IQCH: variants seen among roughly 807,000 people sequenced by gnomAD.
The protein encoded by IQCH is IQ motif containing H.
Under a neutral mutation model 117.0 loss-of-function variants are expected in IQCH, and 98 were observed. The observed-to-expected ratio is 0.84, with a 90% confidence interval of 0.71 to 0.99. The LOEUF (loss-of-function observed/expected upper bound fraction) is 0.99, where lower values mean the gene tolerates loss of function less well. IQCH is among the 50% of genes least tolerant of loss of function. IQCH has a pLI of 0.00. For missense variants in IQCH, 1,102 were observed against 1,243.8 expected, an observed-to-expected ratio of 0.89 and a Z score of 1.72; for synonymous variants, 412 against 448.2, an observed-to-expected ratio of 0.92 and a Z score of 1.02.
At chr15:67,372,907 AG>A (rs1367961604) in intron 9 of IQCH, among the ~76,000 whole-genome samples, 1 of 151,816 alleles carries the variant, frequency 6.6e-6, no homozygotes, top group Non-Finnish European at 1.5e-5. Context: ...ATTTTTCTAT[AG>A]AAAAAAAAAA....
chr15:67,281,169 T>TCTTCCCACTAGATTATAAGC (rs2140477986), intron 4 of IQCH, among the ~76,000 whole-genome samples: 1 of 152,248 alleles, frequency 6.6e-6, no homozygotes, highest in South Asian at 2.1e-4. Flanking sequence ...TAAATGTCTG[T>TCTTCCCACTAGATTATAAGC]CTTCCCACTA....
At position 67,386,914 on chromosome 15, in the gene IQCH, G is replaced by A. The variant is rs931097953; in HGVS notation, c.1456+1895G>A. Among the ~76,000 whole-genome samples, 1 of 152,142 alleles carries A rather than the reference G, an allele frequency of 6.6e-6. No homozygotes were observed. The highest frequency in any genetic ancestry group is 6.5e-5 in the Admixed American group (1 of 15,284). On this transcript the variant is annotated intron_variant, in intron 11 of 20. Transcript: ENST00000335894. The surrounding 1 kb of genome is among the most constrained non-coding windows in gnomAD (Gnocchi z 5.0). ...TCCTTTGCCAGAAATTAACAGGAAA[G>A]GTGAAATTGGCAACATGATTCCTTT...
At chr15:67,323,859 TC>T (rs1968263009) in intron 4 of IQCH, among the ~76,000 whole-genome samples, 1 of 152,058 alleles carries the variant, frequency 6.6e-6, no homozygotes, top group Non-Finnish European at 1.5e-5. Flanking sequence ...AAAGATATTA[TC>T]TTTTATATTT....
chr15:67,373,343 A>G, intron 9 of IQCH, 24 bp from the exon 10 acceptor site: 1 of 1,574,648 alleles, frequency 6.4e-7, no homozygotes, highest in Non-Finnish European at 8.7e-7. Flanking sequence ...CCTGTCACTG[A>G]TCAATGCTCT....
rs1335970289 is a variant in IQCH, at chr15:67,342,061, G to A, written c.509-2002G>A. On this transcript the variant is annotated intron_variant, in intron 5 of 20. Coordinates refer to ENST00000335894, the MANE Select transcript of IQCH (RefSeq NM_001031715.3). The surrounding 1 kb of genome is among the most constrained non-coding windows in gnomAD (Gnocchi z 4.7). ...CAAGGCAGGAAGATTGCTTGAAACC[G>A]GGAGTTCAAGACTAGCCTGGACAAT... Among the ~76,000 whole-genome samples the A allele has an allele frequency of 2.6e-5, 4 of 151,940 alleles. No homozygotes were observed. The highest frequency in any genetic ancestry group is 2.1e-4 in the South Asian group (1 of 4,800).
intron 4 of IQCH, among the ~76,000 whole-genome samples, chr15:67,333,869 C>A (rs192652525): frequency 1.3e-5 from 2 of 152,136 alleles, no homozygotes; most frequent in East Asian, 1.9e-4. Flanking sequence ...CTAGCCTGGG[C>A]AACATAGCGA....
chr15:67,398,537 T>C (rs1971540017), intron 13 of IQCH, among the ~76,000 whole-genome samples: 1 of 152,108 alleles, frequency 6.6e-6, no homozygotes, highest in African/African-American at 2.4e-5. Flanking sequence ...TTGTATGAGG[T>C]TTCCAGAGAA....
At chr15:67,448,180 T>TGTGC (rs397689617) in intron 16 of IQCH, among the ~76,000 whole-genome samples, 10 of 150,860 alleles carry the variant, frequency 6.6e-5, no homozygotes, top group African/African-American at 2.4e-4. Context: ...TGTGTGTGTG[T>TGTGC]AACAGCTTTA....
chr15:67,406,227 TA>T lies in IQCH; in HGVS notation c.2097+5926del, dbSNP rs1971897490. On this transcript the variant is annotated intron_variant, in intron 14 of 20. Coordinates refer to ENST00000335894, the MANE Select transcript of IQCH (RefSeq NM_001031715.3). The surrounding 1 kb of genome is among the most constrained non-coding windows in gnomAD (Gnocchi z 4.5). ...TAGCATTAAAAATATGGTAAGCATT[TA>T]AAACCCTTGTTTTTAGCCCAGTGCA... 1 of 152,222 alleles carries T rather than the reference TA, an allele frequency of 6.6e-6. No homozygotes were observed. 9.4% of individuals were successfully genotyped at this position (152,222 alleles called of 1,614,324 possible). A position where few individuals can be genotyped will look rare whatever the true frequency, so the allele number is the denominator to read the frequency against.
chr15:67,394,966 G>C (rs905048749), intron 12 of IQCH, among the ~76,000 whole-genome samples: 3 of 152,168 alleles, frequency 2.0e-5, no homozygotes, highest in Non-Finnish European at 2.9e-5. Flanking sequence ...CATGCCAGAA[G>C]TGTTGCAGAG....
rs958136888 is a variant in IQCH at position 67,473,879 on chromosome 15, G to A, written c.2677-1817G>A. On this transcript the variant is annotated intron_variant, in intron 17 of 20. Transcript: ENST00000335894. The surrounding 1 kb of genome is among the most constrained non-coding windows in gnomAD (Gnocchi z 4.9). ...ACAAGTGGGGTAAACAACTCAAGAT[G>A]TATTAGCCTGTGGGGGCCTAACTCG... Among the ~76,000 whole-genome samples, 2 of 151,916 alleles carry A rather than the reference G, an allele frequency of 1.3e-5. No homozygotes were observed. The highest frequency in any genetic ancestry group is 4.9e-5 in the African/African-American group (2 of 41,196).
At chr15:67,367,161 C>G (rs2140771614) in intron 8 of IQCH, among the ~76,000 whole-genome samples, 1 of 152,244 alleles carries the variant, frequency 6.6e-6, no homozygotes, top group African/African-American at 2.4e-5. Flanking sequence ...GGTCTTGTTG[C>G]TTCTGATACA....
chr15:67,470,881 A>G (rs947785861), intron 17 of IQCH, among the ~76,000 whole-genome samples: 1 of 152,238 alleles, frequency 6.6e-6, no homozygotes, highest in Non-Finnish European at 1.5e-5. Flanking sequence ...ATACAAGTAA[A>G]TACACATACA....
chr15:67,427,193 C>T lies in IQCH; in HGVS notation c.2505+5616C>T, dbSNP rs1200699768. ...CAATATAGTTACTTCTTTGCTTAGT[C>T]AGTTTACTTATTTGTTTAATGTAAC... On this transcript the variant is annotated intron_variant, in intron 16 of 20. Transcript: ENST00000335894. The surrounding 1 kb of genome is among the most constrained non-coding windows in gnomAD (Gnocchi z 4.7). Among the ~76,000 whole-genome samples the T allele has an allele frequency of 6.6e-6, 1 of 152,100 alleles. No homozygotes were observed. Among genetic ancestry groups the T allele is most frequent in the Non-Finnish European group, 1.5e-5 (1 of 68,014 alleles).
intron 4 of IQCH, among the ~76,000 whole-genome samples, chr15:67,314,086 G>A (rs894111927): frequency 6.6e-6 from 1 of 152,056 alleles, no homozygotes; most frequent in Non-Finnish European, 1.5e-5. Context: ...TTTCCTCTCA[G>A]TCGCTCTTAC....
rs2140953769 is a variant in IQCH, at chr15:67,436,284, A to G, written c.2505+14707A>G. Among the ~76,000 whole-genome samples the G allele has an allele frequency of 6.6e-6, 1 of 152,296 alleles. No homozygotes were observed. Among genetic ancestry groups the G allele is most frequent in the East Asian group, 1.9e-4 (1 of 5,174 alleles). On this transcript the variant is annotated intron_variant, in intron 16 of 20. Coordinates refer to ENST00000335894, the MANE Select transcript of IQCH (RefSeq NM_001031715.3). This position sits in a 1 kb window ranked among gnomAD's most constrained non-coding sequence, Gnocchi z 5.1. ...TAGGAAAGGGAGACCCTCCTCTCTC[A>G]AACACACACCCCCGCACTGGAGAAG...
Position 67,428,508 on chromosome 15 carries a change from G to A in IQCH, c.2505+6931G>A, listed in dbSNP as rs566041049. ...AGTTAAGGATCTTGAGTTGGGAAGAGTAGCTTGCATTATCCAGGTGGCCCC... is the reference window on the plus strand; with the variant it reads ...AGTTAAGGATCTTGAGTTGGGAAGAATAGCTTGCATTATCCAGGTGGCCCC... On this transcript the variant is annotated intron_variant, in intron 16 of 20. Transcript: ENST00000335894. Among the ~76,000 whole-genome samples the A allele has an allele frequency of 4.6e-5, 7 of 152,274 alleles. No homozygotes were observed. In the East Asian group the frequency reaches 1.2e-3, roughly 25 times the overall value.
intron 16 of IQCH, 58 bp downstream of exon 16, chr15:67,421,635 A>G: frequency 6.5e-7 from 1 of 1,538,522 alleles, no homozygotes; most frequent in Non-Finnish European, 8.9e-7. Flanking sequence ...CGCACCCTAC[A>G]CACCTACAGT....
At chr15:67,398,371 A>G (rs1282885620) in intron 13 of IQCH, among the ~76,000 whole-genome samples, 1 of 152,204 alleles carries the variant, frequency 6.6e-6, no homozygotes, top group East Asian at 1.9e-4. Context: ...CAACTTTGGA[A>G]GGCATATTTA....
Sources: gnomAD v4.1 joint callset for allele counts (sites outside exome capture counted in the v4.1 genomes callset) on GRCh38, gnomAD v4.1.1 for gene constraint, Gnocchi (gnomAD v3.1) non-coding constraint, MANE v1.5 for transcripts, NCBI Gene and HGNC (gene_info 2026-07-23, HGNC 2026-07-21) for gene names.